The following SLC22A23 variants were observed in gnomAD, a reference collection of about 807,000 sequenced individuals.
The protein encoded by SLC22A23 is solute carrier family 22 member 23, also known as ion transporter protein.
A neutral mutation model predicts 61.0 loss-of-function variants in SLC22A23; 26 were observed. The observed-to-expected ratio is 0.43, with a 90% confidence interval of 0.31 to 0.59. SLC22A23 has a LOEUF of 0.59. Ranked by LOEUF, SLC22A23 falls within the 20% of genes least tolerant of loss-of-function variation. The probability of loss-of-function intolerance (pLI) is 0.11; values close to 1 mark genes in which losing one functional copy is unlikely to be tolerated. For missense variants in SLC22A23, 796 were observed against 934.7 expected, an observed-to-expected ratio of 0.85 and a Z score of 1.94; for synonymous variants, 430 against 413.9, an observed-to-expected ratio of 1.04 and a Z score of -0.47.
At chr6:3,370,065 A>G (rs1332787746) in intron 3 of SLC22A23, among the ~76,000 whole-genome samples, 2 of 152,226 alleles carry the variant, frequency 1.3e-5, no homozygotes, top group African/African-American at 2.4e-5. Context: ...CTATAAGAAA[A>G]TCGGCTACAA....
intron 3 of SLC22A23, chr6:3,378,068 AACC>A (rs910830962): frequency 2.0e-5 from 3 of 152,210 alleles, no homozygotes; most frequent in African/African-American, 7.2e-5. Context: ...TTTACCCGGA[AACC>A]ACCACGACGC....
chr6:3,345,767 G>C (rs962463880), intron 3 of SLC22A23, among the ~76,000 whole-genome samples: 1 of 152,192 alleles, frequency 6.6e-6, no homozygotes, highest in African/African-American at 2.4e-5. Context: ...TCAAATGCTT[G>C]TTGACTCAGT....
rs550878242 is a variant in SLC22A23 at position 3,427,836 on chromosome 6, C to T, written c.655-11981G>A. 2.0e-5 allele frequency among the ~76,000 whole-genome samples: 3 copies of T among 151,798 alleles called. No homozygotes were observed. Among genetic ancestry groups the T allele is most frequent in the East Asian group, 1.9e-4 (1 of 5,184 alleles). On this transcript the variant is annotated intron_variant, in intron 1 of 9. Transcript: ENST00000406686. The surrounding 1 kb of genome is among the most constrained non-coding windows in gnomAD (Gnocchi z 4.3). ...CTAACTATTAATCTTCTAAAAACAC[C>T]GTGCCAAACTGGCAGCATGACAGCA...
intron 9 of SLC22A23, chr6:3,276,650 A>G (rs1289365267): frequency 1.3e-5 from 2 of 152,294 alleles, no homozygotes; most frequent in Non-Finnish European, 1.5e-5. Flanking sequence ...AGGTTGGCCT[A>G]TGCTGGCTCA....
intron 3 of SLC22A23, among the ~76,000 whole-genome samples, chr6:3,399,709 T>C (rs748349510): frequency 6.6e-6 from 1 of 152,236 alleles, no homozygotes; most frequent in Non-Finnish European, 1.5e-5. Flanking sequence ...ACCACTATTC[T>C]ATTTCTTCAG....
At chr6:3,354,249 A>G (rs747463886) in intron 3 of SLC22A23, among the ~76,000 whole-genome samples, 3 of 152,264 alleles carry the variant, frequency 2.0e-5, no homozygotes, top group Non-Finnish European at 4.4e-5. Context: ...TGGATGGGCA[A>G]AGACACTCCT....
chr6:3,436,686 G>A (rs934846444), intron 1 of SLC22A23, among the ~76,000 whole-genome samples: 2 of 152,096 alleles, frequency 1.3e-5, no homozygotes, highest in African/African-American at 2.4e-5. Context: ...TGTCTCCTGG[G>A]ACCACCTGTT....
rs866321872 is a variant in SLC22A23 at position 3,333,600 on chromosome 6, A to C, written c.914-9598T>G. Among the ~76,000 whole-genome samples, 7 of 152,114 alleles carry C rather than the reference A, an allele frequency of 4.6e-5. No homozygotes were observed. The South Asian group carries it at 1.2e-3, about 27-fold the overall frequency. On this transcript the variant is annotated intron_variant, in intron 3 of 9. Transcript: ENST00000406686. The surrounding 1 kb of genome is among the most constrained non-coding windows in gnomAD (Gnocchi z 4.1). ...TGCATATCTCCCTCCTCCTTTTCTC[A>C]GGTCTCTAAGAGCCATCTTGCCCAG...
intron 9 of SLC22A23, among the ~76,000 whole-genome samples, chr6:3,279,536 A>AAAAAAAAAAAAAAAAAAAAAC (rs1581590018): frequency 1.4e-5 from 2 of 146,950 alleles, no homozygotes; most frequent in Non-Finnish European, 3.0e-5. Flanking sequence ...AAAAAAAAAA[A>AAAAAAAAAAAAAAAAAAAAAC]TCCTTGACAT....
intron 3 of SLC22A23, among the ~76,000 whole-genome samples, chr6:3,401,200 G>A (rs1768364019): frequency 6.6e-6 from 1 of 152,136 alleles, no homozygotes; most frequent in African/African-American, 2.4e-5. Context: ...AAATTAGCCG[G>A]GCGTGGTGGC....
At chr6:3,444,803 T>C (rs1771800788) in intron 1 of SLC22A23, 1 of 985,552 alleles carries the variant, frequency 1.0e-6, no homozygotes, top group African/African-American at 1.7e-5. Flanking sequence ...GCAGGCTTCC[T>C]GTCTGAAGGG....
chr6:3,434,142 C>T (rs1365776314), intron 1 of SLC22A23, among the ~76,000 whole-genome samples: 11 of 151,966 alleles, frequency 7.2e-5, no homozygotes, highest in African/African-American at 1.7e-4. Flanking sequence ...GGTGAAACCC[C>T]ATCTCTACTA....
In SLC22A23 at chr6:3,308,997, G is replaced by A. The variant is rs1448230333; in HGVS notation, c.1083-10779C>T. 4.3e-5 allele frequency among the ~76,000 whole-genome samples: 6 copies of A among 138,168 alleles called. 1 individual carries two copies. Among genetic ancestry groups the A allele is most frequent in the South Asian group, 4.7e-4 (2 of 4,256 alleles). 90.6% of individuals were successfully genotyped at this position (138,168 alleles called of 152,430 possible). On this transcript the variant is annotated intron_variant, in intron 4 of 9. Coordinates refer to ENST00000406686, the MANE Select transcript of SLC22A23 (RefSeq NM_015482.2). This position sits in a 1 kb window ranked among gnomAD's most constrained non-coding sequence, Gnocchi z 5.1. ...ACCCCAACAACCCACAGTGTGGATC[G>A]GCAGGTCCCTAACCCCATGGCTTCA... is the stretch of plus-strand genomic sequence containing the variant.
At chr6:3,361,895 G>A (rs1765475566) in intron 3 of SLC22A23, among the ~76,000 whole-genome samples, 1 of 152,142 alleles carries the variant, frequency 6.6e-6, no homozygotes, top group African/African-American at 2.4e-5. Context: ...TACCCCGAGG[G>A]ATTTACAATC....
rs1156353716 is a variant in SLC22A23, at chr6:3,362,404, C to CA, written c.914-38403dup. ...GGCGACAGAGCGAGATTCCGTCTCA[C>CA]AAAAAAAAAAAATAAAATAAAAAAT... is the stretch of plus-strand genomic sequence containing the variant. On this transcript the variant is annotated intron_variant, in intron 3 of 9. Coordinates refer to ENST00000406686, the MANE Select transcript of SLC22A23 (RefSeq NM_015482.2). 5.5e-3 allele frequency among the ~76,000 whole-genome samples: 294 copies of CA among 53,174 alleles called. 39 individuals carry two copies. Among genetic ancestry groups the CA allele is most frequent in the African/African-American group, 8.9e-3 (145 of 16,294 alleles). The allele number at this position is 53,174 out of a possible 152,430, so 34.9% of individuals were successfully genotyped here. A position where few individuals can be genotyped will look rare whatever the true frequency, so the allele number is the denominator to read the frequency against.
At chr6:3,434,055 C>T (rs1358879870) in intron 1 of SLC22A23, among the ~76,000 whole-genome samples, 1 of 152,224 alleles carries the variant, frequency 6.6e-6, no homozygotes, top group Non-Finnish European at 1.5e-5. Context: ...TGGCTCACCC[C>T]TGTAATCCCA....
Position 3,304,713 on chromosome 6 carries a change from C to T in SLC22A23, c.1083-6495G>A, listed in dbSNP as rs76044247. On this transcript the variant is annotated intron_variant, in intron 4 of 9. Coordinates refer to ENST00000406686, the MANE Select transcript of SLC22A23 (RefSeq NM_015482.2). This position sits in a 1 kb window ranked among gnomAD's most constrained non-coding sequence, Gnocchi z 4.3. ...TGGAGAGGCCGGGCTCTGCTTGGAC[C>T]GTCTTGGAAGATGAGCAGCTGCAGG... Among the ~76,000 whole-genome samples, 13 of 152,198 alleles carry T rather than the reference C, an allele frequency of 8.5e-5. No homozygotes were observed. The East Asian group carries it at 1.4e-3, about 16-fold the overall frequency.
intron 5 of SLC22A23, among the ~76,000 whole-genome samples, chr6:3,295,690 A>G (rs1159867207): frequency 6.6e-6 from 1 of 152,224 alleles, no homozygotes; most frequent in Admixed American, 6.5e-5. Flanking sequence ...GGAAGCTGGA[A>G]GTGGGAGATG....
At chr6:3,395,629 G>C (rs1252311339) in intron 3 of SLC22A23, among the ~76,000 whole-genome samples, 2 of 152,210 alleles carry the variant, frequency 1.3e-5, no homozygotes, top group African/African-American at 4.8e-5. Flanking sequence ...CTTGCTCATG[G>C]AGCAGGCCAG....
Sources: allele counts gnomAD v4.1 joint callset (sites outside exome capture counted in the v4.1 genomes callset), GRCh38; gene constraint gnomAD v4.1.1; non-coding constraint Gnocchi (gnomAD v3.1); transcripts MANE v1.5; gene names NCBI Gene and HGNC (gene_info 2026-07-23, HGNC 2026-07-21).